CDH4: variants seen among roughly 807,000 people sequenced by gnomAD.
CDH4 encodes cadherin 4, also known as cadherin-4.
A neutral mutation model predicts 86.0 loss-of-function variants in CDH4; 33 were observed. The ratio of observed to expected loss-of-function variants is 0.38; its 90% confidence interval spans 0.29 to 0.51. The LOEUF (loss-of-function observed/expected upper bound fraction) is 0.51, where lower values mean the gene tolerates loss of function less well. Ranked by LOEUF, CDH4 falls within the 20% of genes least tolerant of loss-of-function variation. CDH4 has a pLI of 0.86. For synonymous variants in CDH4, 555 were observed against 549.4 expected, an observed-to-expected ratio of 1.01 and a Z score of -0.14; for missense variants, 1,114 against 1,307.4, an observed-to-expected ratio of 0.85 and a Z score of 2.28.
At chr20:61,328,768 CAG>C (rs1196505525) in intron 2 of CDH4, among the ~76,000 whole-genome samples, 2 of 152,252 alleles carry the variant, frequency 1.3e-5, no homozygotes, top group African/African-American at 4.8e-5. Flanking sequence ...CCTGAAGTGA[CAG>C]AGGGAGACTG....
At chr20:61,920,929 T>A (rs2054973931) in intron 9 of CDH4, among the ~76,000 whole-genome samples, 1 of 147,830 alleles carries the variant, frequency 6.8e-6, no homozygotes, top group African/African-American at 2.5e-5. Context: ...GGTGATTGCA[T>A]GGAAGCATGG....
intron 2 of CDH4, among the ~76,000 whole-genome samples, chr20:61,508,121 G>A (rs1348863022): frequency 6.6e-6 from 1 of 152,176 alleles, no homozygotes; most frequent in African/African-American, 2.4e-5. Flanking sequence ...TGCTTCCCGT[G>A]TCCCTAAAAA....
intron 2 of CDH4, among the ~76,000 whole-genome samples, chr20:61,372,268 C>T (rs2084845070): frequency 6.6e-6 from 1 of 152,208 alleles, no homozygotes; most frequent in African/African-American, 2.4e-5. Context: ...GTGACCTGGC[C>T]CATGGGTCTG....
intron 2 of CDH4, among the ~76,000 whole-genome samples, chr20:61,603,181 G>T (rs1053607881): frequency 2.6e-5 from 4 of 152,330 alleles, no homozygotes; most frequent in Middle Eastern, 3.4e-3. Flanking sequence ...GGGCACTGGG[G>T]TGTGGCCAGG....
At chr20:61,321,837 C>T (rs1052633615) in intron 2 of CDH4, among the ~76,000 whole-genome samples, 10 of 152,110 alleles carry the variant, frequency 6.6e-5, no homozygotes, top group African/African-American at 2.2e-4. Flanking sequence ...CTGCCAAAGA[C>T]GCTCACCTCA....
At chr20:61,670,959 C>T (rs2087379809) in intron 2 of CDH4, among the ~76,000 whole-genome samples, 1 of 152,216 alleles carries the variant, frequency 6.6e-6, no homozygotes, top group African/African-American at 2.4e-5. Context: ...CCTAAAAAAC[C>T]TGTGAGTGTC....
rs1303540681 is a variant in CDH4 at position 61,254,807 on chromosome 20, C to G, written c.58-19C>G. 5.8e-6 allele frequency: 8 copies of G among 1,378,644 alleles called. No homozygotes were observed. The Admixed American group carries it at 1.3e-4, about 23-fold the overall frequency. The allele number at this position is 1,378,644 out of a possible 1,614,324, so 85.4% of individuals were successfully genotyped here. A position where few individuals can be genotyped will look rare whatever the true frequency, so the allele number is the denominator to read the frequency against. ...TTCTGTGAACTTATTGTTTTACACT[C>G]TCCCCTTTGTGTTCTCAGGCCCATA... On this transcript the variant is annotated intron_variant, in intron 1 of 15. Coordinates refer to ENST00000614565, the MANE Select transcript of CDH4 (RefSeq NM_001794.5).
chr20:61,487,804 A>G (rs1382435927), intron 2 of CDH4, among the ~76,000 whole-genome samples: 2 of 152,234 alleles, frequency 1.3e-5, no homozygotes, highest in Non-Finnish European at 2.9e-5. Flanking sequence ...TCAACACGCC[A>G]GTCTGCTTCG....
chr20:61,699,523 TC>T (rs2087751302), intron 2 of CDH4, among the ~76,000 whole-genome samples: 1 of 137,828 alleles, frequency 7.3e-6, no homozygotes, highest in Non-Finnish European at 1.7e-5. Context: ...ACTTTCTGGC[TC>T]TCCGAGTTGT....
rs987649089 is a variant in CDH4, at chr20:61,604,189, T to C, written c.170-139374T>C. 2.0e-5 allele frequency among the ~76,000 whole-genome samples: 3 copies of C among 152,194 alleles called. No individual in the cohort carries two copies. In the East Asian group the frequency reaches 5.8e-4, roughly 29 times the overall value. ...TTTGTGTCCAAAGCTAAGAATACAA[T>C]ATTTTTAGGCCCTGGAGGAAGAATC... On this transcript the variant is annotated intron_variant, in intron 2 of 15. Coordinates refer to ENST00000614565, the MANE Select transcript of CDH4 (RefSeq NM_001794.5).
chr20:61,898,447 C>G (rs1314623246), intron 8 of CDH4, among the ~76,000 whole-genome samples: 1 of 152,212 alleles, frequency 6.6e-6, no homozygotes, highest in Non-Finnish European at 1.5e-5. Context: ...AAGCTGGTGG[C>G]CACAGAGGAC....
At chr20:61,846,846 G>A (rs1486787889) in intron 5 of CDH4, among the ~76,000 whole-genome samples, 3 of 151,942 alleles carry the variant, frequency 2.0e-5, no homozygotes, top group East Asian at 2.0e-4. Flanking sequence ...GTGGGTGCTC[G>A]CTGGGGCATC....
At chr20:61,912,537 C>T (rs948804567) in intron 9 of CDH4, among the ~76,000 whole-genome samples, 5 of 152,222 alleles carry the variant, frequency 3.3e-5, no homozygotes, top group African/African-American at 9.7e-5. Context: ...ATACCCATCA[C>T]CTAGATTTAA....
At chr20:61,566,512 G>A (rs2086299138) in intron 2 of CDH4, among the ~76,000 whole-genome samples, 1 of 152,096 alleles carries the variant, frequency 6.6e-6, no homozygotes, top group African/African-American at 2.4e-5. Context: ...TTTCCTTCAA[G>A]TGTCTCCTTC....
chr20:61,894,533 C>T (rs552554570), intron 7 of CDH4, among the ~76,000 whole-genome samples: 87 of 152,310 alleles, frequency 5.7e-4, no homozygotes, highest in African/African-American at 2.0e-3. Flanking sequence ...GCATCCCTCC[C>T]TTTGCAAACT....
intron 2 of CDH4, among the ~76,000 whole-genome samples, chr20:61,622,203 C>T (rs2086784483): frequency 6.6e-6 from 1 of 152,236 alleles, no homozygotes; most frequent in East Asian, 1.9e-4. Context: ...CTCCTGTTGG[C>T]TGCATTTAAG....
At chr20:61,792,140 C>T (rs866607938) in intron 4 of CDH4, among the ~76,000 whole-genome samples, 3 of 151,824 alleles carry the variant, frequency 2.0e-5, no homozygotes, top group African/African-American at 7.3e-5. Context: ...ACAGTAGAGG[C>T]GTGAAGGTGA....
At chr20:61,862,709 A>G (rs796298986) in intron 6 of CDH4, among the ~76,000 whole-genome samples, 14 of 152,346 alleles carry the variant, frequency 9.2e-5, no homozygotes, top group African/African-American at 3.4e-4. Flanking sequence ...TGCCCAGGGA[A>G]AGACACCTCC....
intron 2 of CDH4, among the ~76,000 whole-genome samples, chr20:61,693,681 G>A (rs1298658517): frequency 6.6e-6 from 1 of 152,160 alleles, no homozygotes; most frequent in Non-Finnish European, 1.5e-5. Flanking sequence ...GCGTTAGAGG[G>A]CAAAGGCCTG....
Sources: allele counts gnomAD v4.1 joint callset (sites outside exome capture counted in the v4.1 genomes callset), GRCh38; gene constraint gnomAD v4.1.1; transcripts MANE v1.5; gene names NCBI Gene and HGNC (gene_info 2026-07-23, HGNC 2026-07-21).